TRAPPC10: variants seen among roughly 807,000 people sequenced by gnomAD.
TRAPPC10 encodes the protein trafficking protein particle complex subunit 10.
TRAPPC10 carries 23 observed loss-of-function variants against 125.5 expected under a neutral mutation model. The observed-to-expected ratio is 0.18, with a 90% CI of 0.13 to 0.26. The LOEUF (loss-of-function observed/expected upper bound fraction) is 0.26. TRAPPC10 is among the 10% of genes least tolerant of loss of function. The probability of loss-of-function intolerance (pLI) is 1.00; values close to 1 mark genes in which losing one functional copy is unlikely to be tolerated. For missense variants in TRAPPC10, 1,123 were observed against 1,308.4 expected (o/e 0.86, Z 2.19); for synonymous variants, 509 against 518.0 (o/e 0.98, Z 0.24).
At position 44,059,200 on chromosome 21, in the gene TRAPPC10, A is replaced by G. The variant is rs1042327012; in HGVS notation, c.776A>G (p.Asn259Ser). 4.4e-6 allele frequency: 7 copies of G among 1,608,030 alleles called. No individual in the cohort carries two copies. Among genetic ancestry groups the G allele is most frequent in the Non-Finnish European group, 5.1e-6 (6 of 1,177,890 alleles). The change falls in exon 6 of 23, where the codon AAC (asparagine) becomes AGC (serine). Residue 259 changes from asparagine (N) to serine (S), a missense_variant. Asn to Ser is a conservative substitution (Grantham distance 46). This residue lies in a region of TRAPPC10 where 91 missense variants were observed against 127.1 expected (regional missense o/e 0.72). Transcript: ENST00000291574. The surrounding 1 kb of genome is among the most constrained non-coding windows in gnomAD (Gnocchi z 4.4). Reference protein sequence around the residue: ...LDALFSQYVVNFGAGDGANWL... With the variant: ...LDALFSQYVVSFGAGDGANWL... ...GCCCTCTTCTCTCAGTATGTGGTCA[A>G]CTTCGGGGCCGGGGGTGAGTAGTGG...
At chr21:44,039,180 C>G (rs1210206985) in intron 3 of TRAPPC10, among the ~76,000 whole-genome samples, 1 of 152,202 alleles carries the variant, frequency 6.6e-6, no homozygotes, top group Non-Finnish European at 1.5e-5. Context: ...TGCCCCTCAC[C>G]CAGTGGTGAT....
At chr21:44,023,395 G>A (rs1042983744) in intron 1 of TRAPPC10, among the ~76,000 whole-genome samples, 52 of 152,072 alleles carry the variant, frequency 3.4e-4, no homozygotes, top group Non-Finnish European at 5.1e-4. Flanking sequence ...ATCGGTTGGC[G>A]TGTTTTTGTT....
intron 1 of TRAPPC10, among the ~76,000 whole-genome samples, chr21:44,029,702 ATGGGCCTT>A (rs1289729052): frequency 6.6e-6 from 1 of 152,192 alleles, no homozygotes; most frequent in Non-Finnish European, 1.5e-5. Context: ...CAGCCACAGC[ATGGGCCTT>A]TGTGTCCTCA....
chr21:44,024,496 A>G (rs999909148), intron 1 of TRAPPC10, among the ~76,000 whole-genome samples: 2 of 152,218 alleles, frequency 1.3e-5, no homozygotes. Context: ...GAATAACACT[A>G]TTAACTCCAC....
chr21:44,089,789 C>A, intron 17 of TRAPPC10, 44 bp from the exon 18 acceptor site: 1 of 1,495,130 alleles, frequency 6.7e-7, no homozygotes, highest in Non-Finnish European at 9.3e-7. Flanking sequence ...GCTGTGCTGT[C>A]CGTCGGCGAG....
chr21:44,053,187 G>A (rs909346675), intron 4 of TRAPPC10, among the ~76,000 whole-genome samples: 5 of 152,200 alleles, frequency 3.3e-5, no homozygotes, highest in Non-Finnish European at 7.4e-5. Context: ...CGAGGGTTCA[G>A]ATGGAGGTAC....
chr21:44,032,776 T>G lies in TRAPPC10; in HGVS notation c.149+604T>G, dbSNP rs1569150924. On this transcript the variant is annotated intron_variant, in intron 2 of 22. Coordinates refer to ENST00000291574, the MANE Select transcript of TRAPPC10 (RefSeq NM_003274.5). The stretch of plus-strand genomic sequence containing the variant: ...TTTTATAGGAATGATCTGTGATTCT[T>G]CATGGTTGACCAGAATGTCTTAAAG... Among the ~76,000 whole-genome samples, 3 of 152,222 alleles carry G rather than the reference T, an allele frequency of 2.0e-5. No individual in the cohort carries two copies. In the South Asian group the frequency reaches 6.2e-4, roughly 32 times the overall value.
chr21:44,085,813 TGGAA>T (rs1167284593), intron 15 of TRAPPC10, among the ~76,000 whole-genome samples: 3 of 152,340 alleles, frequency 2.0e-5, no homozygotes, highest in East Asian at 3.9e-4. Flanking sequence ...GTTCTAAAAT[TGGAA>T]GGAGTTGCTA....
At chr21:44,090,614 G>T (rs9974767) in intron 18 of TRAPPC10, among the ~76,000 whole-genome samples, 7,273 of 152,092 alleles carry the variant, frequency 0.048, 352 homozygotes, top group African/African-American at 0.11. Context: ...GGCAGGCGGG[G>T]CTGTGTGCTT....
intron 1 of TRAPPC10, among the ~76,000 whole-genome samples, chr21:44,017,689 G>T (rs1186000216): frequency 6.6e-6 from 1 of 151,406 alleles, no homozygotes; most frequent in African/African-American, 2.4e-5. Flanking sequence ...CGGGAGCTCT[G>T]TGGCACCTCT....
chr21:44,031,072 A>C (rs8129971), intron 1 of TRAPPC10, among the ~76,000 whole-genome samples: 56,175 of 152,048 alleles, frequency 0.37, 15,803 homozygotes, highest in African/African-American at 0.79. Flanking sequence ...CAGTGAGGTT[A>C]CCAGCGCCTT....
chr21:44,080,211 A>AG, intron 13 of TRAPPC10, 84 bp downstream of exon 13: 2 of 1,144,418 alleles, frequency 1.7e-6, no homozygotes, highest in Non-Finnish European at 2.6e-6. Flanking sequence ...CCAACCACTT[A>AG]CAGTAAACAG....
intron 3 of TRAPPC10, among the ~76,000 whole-genome samples, chr21:44,044,790 A>G (rs1022256123): frequency 1.3e-5 from 2 of 151,220 alleles, no homozygotes; most frequent in Non-Finnish European, 2.9e-5. Context: ...CAGCCTCTGA[A>G]GTAGCTGAGA....
rs1033539600 is a variant in TRAPPC10, at chr21:44,047,100, G to A, written c.286-5180G>A. The A allele has an allele frequency of 2.1e-4, 132 of 628,022 alleles. 1 individual carries two copies. The highest frequency in any genetic ancestry group is 2.0e-3 in the South Asian group (132 of 65,376). The allele number at this position is 628,022 out of a possible 1,614,324, so 38.9% of individuals were successfully genotyped here. A position where few individuals can be genotyped will look rare whatever the true frequency, so the allele number is the denominator to read the frequency against. On this transcript the variant is annotated intron_variant, in intron 3 of 22. Transcript: ENST00000291574. ...AGAGAAAGGGCTAATCAGACCCATG[G>A]CGAGATCCCACCACCTACTCCTTCG...
chr21:44,059,662 T>C lies in TRAPPC10; in HGVS notation c.790+448T>C, dbSNP rs2035887917. The C allele has an allele frequency of 5.3e-6, 3 of 565,268 alleles. No individual in the cohort carries two copies. The highest frequency in any genetic ancestry group is 9.5e-6 in the Non-Finnish European group (3 of 314,532). The allele number at this position is 565,268 out of a possible 1,614,324, so 35.0% of individuals were successfully genotyped here. ...TGCACTTTTAAATAATATCTTAAGCTCCTTTACAATTAAAGAATTAGCACA... is the reference window on the plus strand; with the variant it reads ...TGCACTTTTAAATAATATCTTAAGCCCCTTTACAATTAAAGAATTAGCACA... On this transcript the variant is annotated intron_variant, in intron 6 of 22. Coordinates refer to ENST00000291574, the MANE Select transcript of TRAPPC10 (RefSeq NM_003274.5). The surrounding 1 kb of genome is among the most constrained non-coding windows in gnomAD (Gnocchi z 4.4).
chr21:44,087,595 G>C lies in TRAPPC10; in HGVS notation c.2540-104G>C. ...GCCTGCCAGGTGCGCAGGAGCGGGA[G>C]AGGTTGAGCAGTGGCCTCACTGCTG... On this transcript the variant is annotated intron_variant, in intron 16 of 22. Transcript: ENST00000291574. This position sits in a 1 kb window ranked among gnomAD's most constrained non-coding sequence, Gnocchi z 4.6. 1.0e-6 allele frequency: 1 copy of C among 989,164 alleles called. No individual in the cohort carries two copies. The highest frequency in any genetic ancestry group is 1.5e-6 in the Non-Finnish European group (1 of 646,276). 61.3% of individuals were successfully genotyped at this position (989,164 alleles called of 1,614,324 possible).
At chr21:44,062,337 A>G (rs1664682712) in intron 6 of TRAPPC10, among the ~76,000 whole-genome samples, 1 of 152,224 alleles carries the variant, frequency 6.6e-6, no homozygotes, top group African/African-American at 2.4e-5. Flanking sequence ...TGATGCTTAC[A>G]TGAAGGGGAA....
At chr21:44,075,262 C>G in intron 9 of TRAPPC10, 109 bp downstream of exon 9, 1 of 757,780 alleles carries the variant, frequency 1.3e-6, no homozygotes, top group Non-Finnish European at 2.2e-6. Context: ...TATTACTCAC[C>G]ATTTGGAAAA....
chr21:44,080,922 C>G (rs1402311773), intron 13 of TRAPPC10, among the ~76,000 whole-genome samples: 1 of 149,362 alleles, frequency 6.7e-6, no homozygotes, highest in South Asian at 2.1e-4. Context: ...CCATGTAATT[C>G]ACTCATTTGA....
Sources: gnomAD v4.1 joint callset for allele counts (sites outside exome capture counted in the v4.1 genomes callset) on GRCh38, gnomAD v4.1.1 for gene constraint, gnomAD v4.1.1 regional missense constraint, Gnocchi (gnomAD v3.1) non-coding constraint, MANE v1.5 for transcripts, NCBI Gene and HGNC (gene_info 2026-07-23, HGNC 2026-07-21) for gene names.